The following NRXN3 variants were observed in gnomAD, a reference collection of about 807,000 sequenced individuals.
NRXN3 encodes neurexin III.
In NRXN3, 32 loss-of-function variants were observed where a neutral mutation model predicts 137.6. The observed-to-expected ratio is 0.23, with a 90% CI of 0.18 to 0.31. NRXN3 has a LOEUF of 0.31. NRXN3 is among the 10% of genes least tolerant of loss of function. The probability of loss-of-function intolerance (pLI) is 1.00; values close to 1 mark genes in which losing one functional copy is unlikely to be tolerated. For missense variants in NRXN3, 1,574 were observed against 2,062.5 expected, an observed-to-expected ratio of 0.76 and a Z score of 4.59; for synonymous variants, 798 against 784.5, an observed-to-expected ratio of 1.02 and a Z score of -0.29.
intron 19 of NRXN3, among the ~76,000 whole-genome samples, chr14:79,737,664 G>T (rs1469897558): frequency 6.6e-6 from 1 of 151,884 alleles, no homozygotes; most frequent in African/African-American, 2.4e-5. Context: ...TTAATTATCT[G>T]AAGCTTGGCA....
At chr14:78,587,945 C>T (rs2152390346) in intron 4 of NRXN3, among the ~76,000 whole-genome samples, 1 of 151,952 alleles carries the variant, frequency 6.6e-6, no homozygotes, top group East Asian at 1.9e-4. Context: ...CAGTATTATC[C>T]CCATCACTTT....
chr14:79,657,896 CTT>C (rs1443695436), intron 16 of NRXN3, among the ~76,000 whole-genome samples: 1 of 152,112 alleles, frequency 6.6e-6, no homozygotes, highest in Non-Finnish European at 1.5e-5. Flanking sequence ...TATTTGGTCT[CTT>C]ATGGTACAAA....
At chr14:78,770,102 C>T (rs563069690) in intron 8 of NRXN3, among the ~76,000 whole-genome samples, 19 of 152,226 alleles carry the variant, frequency 1.2e-4, no homozygotes, top group African/African-American at 2.6e-4. Flanking sequence ...ATTAACACAA[C>T]GGGGTGATAG....
intron 15 of NRXN3, among the ~76,000 whole-genome samples, chr14:79,117,869 G>A (rs369802909): frequency 1.4e-4 from 21 of 152,190 alleles, no homozygotes; most frequent in African/African-American, 5.1e-4. Flanking sequence ...TCCCACCAAG[G>A]CCTGGGCTAT....
chr14:79,761,939 G>C (rs1427149997), intron 19 of NRXN3, among the ~76,000 whole-genome samples: 1 of 151,586 alleles, frequency 6.6e-6, no homozygotes, highest in Non-Finnish European at 1.5e-5. Flanking sequence ...ACATTAGCTT[G>C]TTCCTGACCC....
intron 16 of NRXN3, among the ~76,000 whole-genome samples, chr14:79,471,267 C>T (rs1219779521): frequency 6.6e-6 from 1 of 152,124 alleles, no homozygotes; most frequent in Non-Finnish European, 1.5e-5. Context: ...CTCAGTGCCT[C>T]ACTCTCTCTC....
intron 20 of NRXN3, among the ~76,000 whole-genome samples, chr14:79,842,213 GA>G (rs1417649090): frequency 6.6e-6 from 1 of 152,170 alleles, no homozygotes; most frequent in East Asian, 1.9e-4. Context: ...TGAAGTGGGG[GA>G]GGACTAAATG....
intron 10 of NRXN3, among the ~76,000 whole-genome samples, chr14:78,816,793 TC>T (rs2153113228): frequency 1.3e-5 from 2 of 152,330 alleles, no homozygotes; most frequent in East Asian, 3.9e-4. Context: ...TGTTTGCTTC[TC>T]CTCACTCTTG....
intron 15 of NRXN3, among the ~76,000 whole-genome samples, chr14:79,254,231 C>A (rs1446284486): frequency 6.6e-6 from 1 of 152,152 alleles, no homozygotes; most frequent in African/African-American, 2.4e-5. Context: ...GCTTCTGTAA[C>A]ACACAGTCCA....
intron 4 of NRXN3, among the ~76,000 whole-genome samples, chr14:78,473,263 G>T (rs373035414): frequency 6.6e-6 from 1 of 151,908 alleles, no homozygotes; most frequent in African/African-American, 2.4e-5. Context: ...TTAGCTGGGC[G>T]TGGTGGCGGG....
chr14:78,542,175 A>G (rs1013888014), intron 4 of NRXN3, among the ~76,000 whole-genome samples: 6 of 152,182 alleles, frequency 3.9e-5, no homozygotes, highest in Admixed American at 2.6e-4. Context: ...GAGCCCAAAC[A>G]CTGTGCTGAG....
chr14:79,782,643 T>A (rs1173896998), intron 19 of NRXN3, among the ~76,000 whole-genome samples: 2 of 152,184 alleles, frequency 1.3e-5, no homozygotes. Context: ...GCATGATAGA[T>A]ATAAAATCTT....
intron 4 of NRXN3, among the ~76,000 whole-genome samples, chr14:78,330,270 G>C (rs1057190605): frequency 1.3e-5 from 2 of 152,152 alleles, no homozygotes; most frequent in African/African-American, 4.8e-5. Flanking sequence ...TTGACCCTAA[G>C]AGATTTGGCT....
chr14:78,550,645 A>C (rs559232274), intron 4 of NRXN3, among the ~76,000 whole-genome samples: 4 of 152,182 alleles, frequency 2.6e-5, no homozygotes, highest in African/African-American at 9.6e-5. Context: ...TACATAAGGG[A>C]CTGGAAGCTC....
intron 4 of NRXN3, among the ~76,000 whole-genome samples, chr14:78,611,001 C>A (rs991934510): frequency 2.0e-5 from 3 of 152,176 alleles, no homozygotes; most frequent in Admixed American, 6.5e-5. Flanking sequence ...GCCCCTGGCC[C>A]TTGGCCTTCC....
intron 1 of NRXN3, among the ~76,000 whole-genome samples, chr14:78,172,604 A>G (rs905284444): frequency 6.6e-6 from 1 of 151,842 alleles, no homozygotes; most frequent in Admixed American, 6.6e-5. Flanking sequence ...CTCTTGGCCC[A>G]TTTTCTGCAG....
chr14:78,848,914 G>A (rs2099035120), intron 10 of NRXN3, among the ~76,000 whole-genome samples: 1 of 152,100 alleles, frequency 6.6e-6, no homozygotes, highest in African/African-American at 2.4e-5. Context: ...GGAAATGAAA[G>A]TGAACGTTTG....
intron 4 of NRXN3, among the ~76,000 whole-genome samples, chr14:78,611,561 G>C (rs1039598203): frequency 6.6e-6 from 1 of 152,084 alleles, no homozygotes; most frequent in Non-Finnish European, 1.5e-5. Context: ...GGAGGGTGAG[G>C]CAACCCTATG....
intron 4 of NRXN3, among the ~76,000 whole-genome samples, chr14:78,424,473 G>A (rs78022732): frequency 1.9e-3 from 285 of 152,276 alleles, no homozygotes; most frequent in Admixed American, 3.3e-3. Flanking sequence ...TTAAGTTCCT[G>A]TCATCGTCCC....
Sources: allele counts gnomAD v4.1 joint callset (sites outside exome capture counted in the v4.1 genomes callset), GRCh38; gene constraint gnomAD v4.1.1; transcripts MANE v1.5; gene names NCBI Gene and HGNC (gene_info 2026-07-23, HGNC 2026-07-21).